The following NME7 variants were observed in gnomAD, a reference collection of about 807,000 sequenced individuals.
NME7 encodes NME/NM23 family member 7.
Under a neutral mutation model 49.1 loss-of-function variants are expected in NME7, and 41 were observed. The ratio of observed to expected loss-of-function variants is 0.83; its 90% confidence interval spans 0.65 to 1.08. The LOEUF (loss-of-function observed/expected upper bound fraction) is 1.08. Ranked by LOEUF, NME7 falls within the 50% of genes least tolerant of loss-of-function variation. The pLI is 0.00. For synonymous variants in NME7, 139 were observed against 150.6 expected (o/e 0.92, Z 0.56); for missense variants, 423 against 463.4 (o/e 0.91, Z 0.80).
At chr1:169,170,009 C>CA (rs1188793047) in intron 10 of NME7, among the ~76,000 whole-genome samples, 2 of 151,676 alleles carry the variant, frequency 1.3e-5, no homozygotes, top group Admixed American at 6.6e-5. Flanking sequence ...TAATGATGTA[C>CA]AAAAAAATTT....
chr1:169,220,949 T>C (rs1057160767), intron 10 of NME7, among the ~76,000 whole-genome samples: 1 of 152,180 alleles, frequency 6.6e-6, no homozygotes, highest in Non-Finnish European at 1.5e-5. Flanking sequence ...ATGTACTAAA[T>C]TGACAGGCAG....
In NME7 at chr1:169,272,103, G is replaced by T. The variant is rs1001030141; in HGVS notation, c.754+15200C>A. Among the ~76,000 whole-genome samples the T allele has an allele frequency of 2.3e-5, 3 of 131,342 alleles. No homozygotes were observed. In the East Asian group the frequency reaches 6.0e-4, roughly 26 times the overall value. The allele number at this position is 131,342 out of a possible 152,430, so 86.2% of individuals were successfully genotyped here. A position where few individuals can be genotyped will look rare whatever the true frequency, so the allele number is the denominator to read the frequency against. On this transcript the variant is annotated intron_variant, in intron 7 of 11. Transcript: ENST00000367811. ...ACAAAAATTTCTTTGCCTTAATTAA[G>T]TTATATGACCTAATGTTATATATCA...
chr1:169,167,788 A>G (rs1557970476), intron 11 of NME7, among the ~76,000 whole-genome samples: 3 of 152,348 alleles, frequency 2.0e-5, no homozygotes, highest in African/African-American at 7.2e-5. Context: ...TGGAGTTGCT[A>G]TGGCAATGAA....
chr1:169,292,091 G>T (rs1204415116), intron 6 of NME7, among the ~76,000 whole-genome samples: 1 of 152,040 alleles, frequency 6.6e-6, no homozygotes, highest in Admixed American at 6.6e-5. Flanking sequence ...ATTAATTAAA[G>T]AAATAAGGTC....
chr1:169,147,223 A>C (rs1333751539), intron 11 of NME7, among the ~76,000 whole-genome samples: 2 of 152,218 alleles, frequency 1.3e-5, no homozygotes, highest in African/African-American at 2.4e-5. Context: ...AACCTAAGTA[A>C]ATATCTAATC....
intron 10 of NME7, among the ~76,000 whole-genome samples, chr1:169,222,129 T>A (rs1661162301): frequency 6.6e-6 from 1 of 151,772 alleles, no homozygotes; most frequent in Non-Finnish European, 1.5e-5. Flanking sequence ...TATAATCAAA[T>A]CCTATCTACA....
intron 11 of NME7, among the ~76,000 whole-genome samples, chr1:169,148,294 C>T (rs1281733477): frequency 1.3e-5 from 2 of 152,134 alleles, no homozygotes; most frequent in African/African-American, 4.8e-5. Context: ...TGAACCACTG[C>T]ACCCGGACTC....
intron 1 of NME7, among the ~76,000 whole-genome samples, chr1:169,329,424 A>G (rs76634747): frequency 0.02 from 2,958 of 151,128 alleles, 105 homozygotes; most frequent in African/African-American, 0.069. Flanking sequence ...AACCTCTGCT[A>G]AGGAAACCCA....
intron 11 of NME7, among the ~76,000 whole-genome samples, chr1:169,158,949 A>T (rs1659162485): frequency 6.6e-6 from 1 of 152,146 alleles, no homozygotes; most frequent in South Asian, 2.1e-4. Context: ...TTACCTTTCC[A>T]ACATTCATTC....
intron 11 of NME7, among the ~76,000 whole-genome samples, chr1:169,159,204 T>C (rs1659169377): frequency 6.6e-6 from 1 of 151,926 alleles, no homozygotes; most frequent in East Asian, 1.9e-4. Flanking sequence ...CTCACTCTTC[T>C]TTCTTTATGC....
chr1:169,290,258 G>T (rs12145226), intron 6 of NME7, among the ~76,000 whole-genome samples: 47,813 of 151,726 alleles, frequency 0.32, 8,402 homozygotes, highest in East Asian at 0.67. Flanking sequence ...CCAAAACTTT[G>T]TACTTGTAAT....
At chr1:169,218,659 A>ATTTTTTTTTTTTTTTTT (rs34342694) in intron 10 of NME7, among the ~76,000 whole-genome samples, 1 of 118,206 alleles carries the variant, frequency 8.5e-6, no homozygotes. Context: ...CCAATTTTGA[A>ATTTTTTTTTTTTTTTTT]TTTTTTTTTT....
chr1:169,328,619 T>C (rs1043289760), intron 1 of NME7, among the ~76,000 whole-genome samples: 14 of 152,194 alleles, frequency 9.2e-5, no homozygotes, highest in Admixed American at 2.6e-4. Context: ...ATTATATTTA[T>C]AAATGAAAAT....
intron 11 of NME7, among the ~76,000 whole-genome samples, chr1:169,155,762 GT>G (rs34178237): frequency 0.028 from 4,001 of 141,420 alleles, 123 homozygotes; most frequent in African/African-American, 0.094. Flanking sequence ...TTACTGTTTA[GT>G]TTTTTTTTTT....
intron 7 of NME7, among the ~76,000 whole-genome samples, chr1:169,259,228 A>G (rs762019966): frequency 2.3e-5 from 3 of 132,944 alleles, no homozygotes; most frequent in East Asian, 2.0e-4. Context: ...GAAGCCCTCT[A>G]TATATGCCTC....
chr1:169,324,306 G>A (rs1002852471), intron 2 of NME7, 87 bp downstream of exon 2: 6 of 737,102 alleles, frequency 8.1e-6, no homozygotes, highest in South Asian at 1.7e-5. Flanking sequence ...ACATATAAAT[G>A]TGTTTTTAAA....
intron 7 of NME7, chr1:169,286,952 T>C (rs1571357302): frequency 1.6e-5 from 1 of 63,920 alleles, no homozygotes. Flanking sequence ...AGACTCTGTC[T>C]CAAAAAAAAA....
rs575829223 is a variant in NME7, at chr1:169,331,619, A to G, written c.4-7119T>C. On this transcript the variant is annotated intron_variant, in intron 1 of 11. Coordinates refer to ENST00000367811, the MANE Select transcript of NME7 (RefSeq NM_013330.5). ...CTCTTAGAACTGATAAATTCAGTAA[A>G]GTTGCAGGATACGAAATCATACAAA... Among the ~76,000 whole-genome samples the G allele has an allele frequency of 4.6e-5, 7 of 152,326 alleles. No individual in the cohort carries two copies. In the East Asian group the frequency reaches 1.3e-3, roughly 29 times the overall value.
At chr1:169,135,632 C>A (rs1409501554) in intron 11 of NME7, among the ~76,000 whole-genome samples, 1 of 152,112 alleles carries the variant, frequency 6.6e-6, no homozygotes, top group Non-Finnish European at 1.5e-5. Flanking sequence ...TATCTGTAGT[C>A]CCCTGGGCTC....
Sources: allele counts gnomAD v4.1 joint callset (sites outside exome capture counted in the v4.1 genomes callset), GRCh38; gene constraint gnomAD v4.1.1; transcripts MANE v1.5; gene names NCBI Gene and HGNC (gene_info 2026-07-23, HGNC 2026-07-21).